Variants in DPYSL3 observed in about 807,000 individuals in gnomAD.
DPYSL3 encodes the protein dihydropyrimidinase-related protein 3.
Under a neutral mutation model 66.1 loss-of-function variants are expected in DPYSL3, and 16 were observed. The ratio of observed to expected loss-of-function variants is 0.24; its 90% CI spans 0.16 to 0.37. The LOEUF (loss-of-function observed/expected upper bound fraction) is 0.37. DPYSL3 is among the 10% of genes least tolerant of loss of function. The pLI, the probability that DPYSL3 is intolerant of heterozygous loss-of-function variation, is 1.00. For missense variants in DPYSL3, 738 were observed against 916.2 expected, an observed-to-expected ratio of 0.81 and a Z score of 2.51; for synonymous variants, 338 against 345.1, an observed-to-expected ratio of 0.98 and a Z score of 0.23.
intron 2 of DPYSL3, among the ~76,000 whole-genome samples, chr5:147,424,246 C>T (rs1752145855): frequency 6.6e-6 from 1 of 152,168 alleles, no homozygotes; most frequent in East Asian, 1.9e-4. Flanking sequence ...TGGATACACC[C>T]AGTCTTTTAC....
intron 1 of DPYSL3, among the ~76,000 whole-genome samples, chr5:147,500,554 C>T (rs902119228): frequency 1.4e-5 from 2 of 147,742 alleles, no homozygotes; most frequent in Non-Finnish European, 3.0e-5. Flanking sequence ...ATAGAGATTG[C>T]AGTGAGCCGA....
Position 147,464,937 on chromosome 5 carries a change from G to A in DPYSL3, c.382-39974C>T, listed in dbSNP as rs554379412. The stretch of plus-strand genomic sequence containing the variant: ...TCTGAGGTCAGCTGTGGTGGCTCAT[G>A]TTTGTAATCCTAGCTCTTTGGGAGG... On this transcript the variant is annotated intron_variant, in intron 1 of 13. Coordinates refer to ENST00000343218, the MANE Select transcript of DPYSL3 (RefSeq NM_001197294.2). 3.9e-5 allele frequency among the ~76,000 whole-genome samples: 6 copies of A among 152,340 alleles called. No homozygotes were observed. In the East Asian group the frequency reaches 1.2e-3, roughly 29 times the overall value.
At chr5:147,502,106 C>T (rs1581221080) in intron 1 of DPYSL3, among the ~76,000 whole-genome samples, 1 of 152,166 alleles carries the variant, frequency 6.6e-6, no homozygotes, top group Non-Finnish European at 1.5e-5. Flanking sequence ...TGGAGGCCGG[C>T]TTTCTGACTC....
intron 6 of DPYSL3, among the ~76,000 whole-genome samples, chr5:147,409,896 G>GT (rs1187226947): frequency 2.0e-5 from 3 of 152,100 alleles, no homozygotes; most frequent in Non-Finnish European, 2.9e-5. Context: ...AGAACGTTCT[G>GT]TTTTTTGTTT....
intron 8 of DPYSL3, chr5:147,402,086 C>T (rs1225950930): frequency 5.9e-6 from 1 of 170,092 alleles, no homozygotes; most frequent in Non-Finnish European, 1.2e-5. Flanking sequence ...TAGATATATT[C>T]TGAAATTGAT....
At chr5:147,487,148 T>G (rs1753346499) in intron 1 of DPYSL3, among the ~76,000 whole-genome samples, 1 of 152,152 alleles carries the variant, frequency 6.6e-6, no homozygotes, top group African/African-American at 2.4e-5. Context: ...AAGCTTGACC[T>G]CCTTCTTCCT....
At chr5:147,464,184 G>C (rs1336901533) in intron 1 of DPYSL3, among the ~76,000 whole-genome samples, 2 of 152,132 alleles carry the variant, frequency 1.3e-5, no homozygotes, top group Non-Finnish European at 1.5e-5. Context: ...GCAAGGATAG[G>C]GAGCCATCCT....
chr5:147,487,464 C>T lies in DPYSL3; in HGVS notation c.381+22014G>A, dbSNP rs368293653. On this transcript the variant is annotated intron_variant, in intron 1 of 13. Transcript: ENST00000343218. ...TTTTCATATCAAAAAGTTGCTATGA[C>T]TTTGCTACTCCCTCTTGCACACATA... Among the ~76,000 whole-genome samples the T allele has an allele frequency of 2.6e-5, 4 of 152,192 alleles. No individual in the cohort carries two copies. The East Asian group carries it at 5.8e-4, about 22-fold the overall frequency.
chr5:147,405,523 C>T (rs901301391), intron 8 of DPYSL3, 87 bp downstream of exon 8: 7 of 1,473,066 alleles, frequency 4.8e-6, no homozygotes, highest in South Asian at 3.0e-5. Flanking sequence ...GCAAAGTAGG[C>T]ACCATTTATA....
intron 13 of DPYSL3, among the ~76,000 whole-genome samples, chr5:147,394,668 GAGA>G: frequency 6.7e-6 from 1 of 148,258 alleles, no homozygotes; most frequent in Non-Finnish European, 1.5e-5. Context: ...AAGGTAGCCA[GAGA>G]ACAACAACAA....
chr5:147,500,920 A>G (rs933621780), intron 1 of DPYSL3, among the ~76,000 whole-genome samples: 2 of 152,190 alleles, frequency 1.3e-5, no homozygotes, highest in Non-Finnish European at 2.9e-5. Context: ...GTTTCTTAGA[A>G]AACTAAATGT....
At chr5:147,409,564 CCCT>C (rs1216758794) in intron 6 of DPYSL3, among the ~76,000 whole-genome samples, 2 of 152,164 alleles carry the variant, frequency 1.3e-5, no homozygotes, top group Non-Finnish European at 2.9e-5. Flanking sequence ...AAGTGCATGT[CCCT>C]TGTGGTTGAT....
chr5:147,401,111 G>A (rs1223941873), intron 9 of DPYSL3, among the ~76,000 whole-genome samples: 1 of 152,216 alleles, frequency 6.6e-6, no homozygotes, highest in African/African-American at 2.4e-5. Flanking sequence ...TATGTCTGCA[G>A]AGGGCAGCAA....
chr5:147,445,528 G>T (rs1488118517), intron 1 of DPYSL3, among the ~76,000 whole-genome samples: 2 of 152,172 alleles, frequency 1.3e-5, no homozygotes, highest in East Asian at 3.8e-4. Flanking sequence ...GGCCTAATAT[G>T]TGACAACCAA....
chr5:147,391,743 G>A lies in DPYSL3; in HGVS notation c.*2292C>T, dbSNP rs1026073267. ...TCCCAGGGATTTCTATGCTTGGAGA[G>A]TTAGTAATGGTAAGTGAAGAAAGAG... On this transcript the variant is annotated 3_prime_UTR_variant, in exon 14 of 14. Coordinates refer to ENST00000343218, the MANE Select transcript of DPYSL3 (RefSeq NM_001197294.2). 1 of 152,208 alleles carries A rather than the reference G, an allele frequency of 6.6e-6. No homozygotes were observed. 9.4% of individuals were successfully genotyped at this position (152,208 alleles called of 1,614,324 possible).
In DPYSL3 at chr5:147,424,925, A is replaced by G. The variant is rs1752167830; in HGVS notation, c.420T>C (p.Asn140=). Residue 140 remains asparagine (N), a synonymous_variant, in exon 2 of 14, where the codon AAT becomes AAC. Coordinates refer to ENST00000343218, the MANE Select transcript of DPYSL3 (RefSeq NM_001197294.2). ...RLLIKGGRIV[N]DDQSFYADIY... ...TATCAGCATAAAAGGACTGATCATC[A>G]TTGACGATTCTGCCTCCCTTGATAA... The G allele has an allele frequency of 6.2e-7, 1 of 1,613,274 alleles. No individual in the cohort carries two copies. Among genetic ancestry groups the G allele is most frequent in the African/African-American group, 1.3e-5 (1 of 74,908 alleles).
At chr5:147,409,562 G>GGCAAAAT (rs1339704866) in intron 6 of DPYSL3, among the ~76,000 whole-genome samples, 2 of 152,208 alleles carry the variant, frequency 1.3e-5, no homozygotes, top group Non-Finnish European at 2.9e-5. Context: ...AGAAGTGCAT[G>GGCAAAAT]TCCCTTGTGG....
intron 1 of DPYSL3, among the ~76,000 whole-genome samples, chr5:147,439,702 G>A (rs528023866): frequency 2.8e-3 from 428 of 152,246 alleles, no homozygotes; most frequent in Non-Finnish European, 4.6e-3. Flanking sequence ...AGATGACAGA[G>A]GCTTGAGTGA....
At chr5:147,502,162 G>C (rs1445045765) in intron 1 of DPYSL3, among the ~76,000 whole-genome samples, 1 of 152,034 alleles carries the variant, frequency 6.6e-6, no homozygotes. Context: ...AAAGAGCAAA[G>C]CAGCTCTCTA....
Sources: allele counts gnomAD v4.1 joint callset (sites outside exome capture counted in the v4.1 genomes callset), GRCh38; gene constraint gnomAD v4.1.1; transcripts MANE v1.5; gene names NCBI Gene and HGNC (gene_info 2026-07-23, HGNC 2026-07-21).